FCRL4: variants seen among roughly 807,000 people sequenced by gnomAD.
The protein encoded by FCRL4 is Fc receptor like 4.
Under a neutral mutation model 64.1 loss-of-function variants are expected in FCRL4, and 43 were observed. That is an observed-to-expected ratio of 0.67 (90% confidence interval 0.53 to 0.87). FCRL4 has a LOEUF of 0.87. Among genes scored for constraint, FCRL4 ranks in the 40% least tolerant of loss-of-function variants. The pLI, the probability that FCRL4 is intolerant of heterozygous loss-of-function variation, is 0.00. For missense variants in FCRL4, 656 were observed against 613.5 expected (o/e 1.07, Z -0.73); for synonymous variants, 253 against 239.8 (o/e 1.05, Z -0.51).
intron 10 of FCRL4, among the ~76,000 whole-genome samples, chr1:157,577,926 C>T (rs558787298): frequency 2.6e-5 from 4 of 152,224 alleles, no homozygotes; most frequent in Admixed American, 2.6e-4. Flanking sequence ...CTAAAGGTTG[C>T]TCGAGACTTA....
At chr1:157,580,269 C>T (rs1294202786) in intron 8 of FCRL4, 52 bp downstream of exon 8, 5 of 1,600,730 alleles carry the variant, frequency 3.1e-6, no homozygotes, top group Non-Finnish European at 4.3e-6. Context: ...CACAGTTTTG[C>T]ATATTGTGTA....
intron 2 of FCRL4, among the ~76,000 whole-genome samples, chr1:157,596,073 C>A (rs2101689590): frequency 6.6e-6 from 1 of 152,282 alleles, no homozygotes; most frequent in African/African-American, 2.4e-5. Context: ...AGCTCCTCTT[C>A]CTGTGGACGC....
chr1:157,591,000 A>G (rs1232995455), intron 2 of FCRL4, among the ~76,000 whole-genome samples: 1 of 152,248 alleles, frequency 6.6e-6, no homozygotes, highest in East Asian at 1.9e-4. Context: ...GTGGTTCCCC[A>G]AATATACCAA....
intron 2 of FCRL4, among the ~76,000 whole-genome samples, chr1:157,593,412 T>C (rs1383018358): frequency 1.3e-5 from 2 of 152,176 alleles, no homozygotes; most frequent in Non-Finnish European, 2.9e-5. Flanking sequence ...CTACCTGCTG[T>C]TGTAAAGACA....
Position 157,598,084 on chromosome 1 carries a change from A to G in FCRL4, c.-140T>C. ...TCTCTGCATAAAGCTGATTGAGATA[A>G]TGAAGTGAAAGGGGGAAGTAGAGGA... On this transcript the variant is annotated 5_prime_UTR_variant, in exon 1 of 12. Transcript: ENST00000271532. 1.6e-6 allele frequency: 1 copy of G among 634,962 alleles called. No homozygotes were observed. The highest frequency in any genetic ancestry group is 2.9e-6 in the Non-Finnish European group (1 of 346,426). The allele number at this position is 634,962 out of a possible 1,614,324, so 39.3% of individuals were successfully genotyped here. A position where few individuals can be genotyped will look rare whatever the true frequency, so the allele number is the denominator to read the frequency against.
intron 1 of FCRL4, among the ~76,000 whole-genome samples, chr1:157,596,979 C>T (rs1239825884): frequency 6.6e-6 from 1 of 152,176 alleles, no homozygotes; most frequent in Non-Finnish European, 1.5e-5. Context: ...ATGGGGTGCC[C>T]TTAGAAAAGT....
chr1:157,586,450 G>A lies in FCRL4; in HGVS notation c.853C>T (p.Pro285Ser), dbSNP rs769441002. 4.4e-6 allele frequency: 7 copies of A among 1,604,642 alleles called. No homozygotes were observed. The highest frequency in any genetic ancestry group is 5.9e-6 in the Non-Finnish European group (7 of 1,176,998). Residue 285 changes from proline to serine, a missense_variant, in exon 6 of 12, where the codon CCT (proline) becomes TCT (serine). Physicochemically the swap from Pro to Ser is moderately conservative, Grantham distance 74. Coordinates refer to ENST00000271532, the MANE Select transcript of FCRL4 (RefSeq NM_031282.3). ...GTCTCCAGGAGCACCCCAGACACAG[G>A]GATCCCTATGTGAAAATGAGACCAC... ...PSLQIHVQRI[P>S]VSGVLLETQP...
chr1:157,591,056 G>A (rs1372509844), intron 2 of FCRL4, among the ~76,000 whole-genome samples: 2 of 152,218 alleles, frequency 1.3e-5, no homozygotes, highest in Non-Finnish European at 1.5e-5. Flanking sequence ...GGAGTGGGGA[G>A]AGGGGGAATG....
At chr1:157,589,504 C>T (rs1316417954) in intron 2 of FCRL4, 46 bp from the exon 3 acceptor site, 1 of 1,598,986 alleles carries the variant, frequency 6.3e-7, no homozygotes, top group Admixed American at 1.7e-5. Flanking sequence ...TGCCTGCAGT[C>T]CCAGCTGCAG....
intron 6 of FCRL4, among the ~76,000 whole-genome samples, chr1:157,585,343 T>C (rs527835796): frequency 1.4e-5 from 1 of 71,698 alleles, no homozygotes; most frequent in Admixed American, 1.4e-4. Context: ...TCTTTCTCTC[T>C]CTCTTTCTTT....
At chr1:157,579,430 C>T (rs1652497846) in intron 8 of FCRL4, among the ~76,000 whole-genome samples, 1 of 151,782 alleles carries the variant, frequency 6.6e-6, no homozygotes, top group African/African-American at 2.4e-5. Context: ...CTTTACTTTA[C>T]TGTTGGCCTG....
At chr1:157,594,893 T>C (rs753934935) in intron 2 of FCRL4, among the ~76,000 whole-genome samples, 35 of 151,560 alleles carry the variant, frequency 2.3e-4, no homozygotes, top group Non-Finnish European at 4.7e-4. Flanking sequence ...TCTGTGTCTC[T>C]GCAGAATTTA....
intron 8 of FCRL4, 39 bp downstream of exon 8, chr1:157,580,282 C>CG (rs779698864): frequency 6.2e-7 from 1 of 1,612,370 alleles, no homozygotes; most frequent in Admixed American, 1.7e-5. Flanking sequence ...ATTGTGTACT[C>CG]GGGAAACTAA....
intron 10 of FCRL4, among the ~76,000 whole-genome samples, chr1:157,576,246 G>A (rs1409628677): frequency 6.6e-6 from 1 of 152,156 alleles, no homozygotes; most frequent in Non-Finnish European, 1.5e-5. Context: ...ATGCATATTA[G>A]AAATTAAGAG....
At chr1:157,594,546 A>G (rs1652915681) in intron 2 of FCRL4, among the ~76,000 whole-genome samples, 1 of 152,210 alleles carries the variant, frequency 6.6e-6, no homozygotes. Context: ...AATTGTTTTC[A>G]TTTGTATTAA....
chr1:157,587,824 C>T (rs775780021), intron 4 of FCRL4, 41 bp downstream of exon 4: 9 of 1,558,936 alleles, frequency 5.8e-6, no homozygotes, highest in African/African-American at 2.7e-5. Context: ...TTTCCTATCC[C>T]TGTCATTACT....
chr1:157,581,402 G>A, intron 7 of FCRL4, 129 bp downstream of exon 7: 1 of 700,074 alleles, frequency 1.4e-6, no homozygotes, highest in South Asian at 1.8e-5. Context: ...GAGTGTGTGT[G>A]AACGCTGGGA....
intron 10 of FCRL4, among the ~76,000 whole-genome samples, chr1:157,576,462 A>T (rs1207828533): frequency 6.6e-6 from 1 of 152,220 alleles, no homozygotes; most frequent in African/African-American, 2.4e-5. Flanking sequence ...AATAATGGTC[A>T]TATGTACAAA....
intron 2 of FCRL4, among the ~76,000 whole-genome samples, chr1:157,593,983 T>C (rs1167715666): frequency 6.6e-6 from 1 of 152,242 alleles, no homozygotes; most frequent in African/African-American, 2.4e-5. Flanking sequence ...GAAAATTGAT[T>C]GCTATTTTAG....
Sources: gnomAD v4.1 joint callset for allele counts (sites outside exome capture counted in the v4.1 genomes callset) on GRCh38, gnomAD v4.1.1 for gene constraint, MANE v1.5 for transcripts, NCBI Gene and HGNC (gene_info 2026-07-23, HGNC 2026-07-21) for gene names.